SLC1A2: variants seen among roughly 807,000 people sequenced by gnomAD.
SLC1A2 encodes the protein excitatory amino acid transporter 2.
SLC1A2 carries 15 observed loss-of-function variants against 48.8 expected under a neutral mutation model. The observed-to-expected ratio is 0.31, with a 90% confidence interval of 0.21 to 0.47. The LOEUF is 0.47. SLC1A2 is among the 20% of genes least tolerant of loss of function. The pLI is 0.99. For missense variants in SLC1A2, 502 were observed against 730.5 expected, an observed-to-expected ratio of 0.69 and a Z score of 3.61; for synonymous variants, 279 against 272.6, an observed-to-expected ratio of 1.02 and a Z score of -0.23.
intron 1 of SLC1A2, among the ~76,000 whole-genome samples, chr11:35,371,269 A>G (rs981042949): frequency 7.9e-5 from 12 of 152,262 alleles, no homozygotes; most frequent in Non-Finnish European, 1.6e-4. Context: ...ATACAGCACC[A>G]ACTTGGCTCC....
chr11:35,298,353 TATA>T (rs1219793956), intron 6 of SLC1A2: 2 of 152,156 alleles, frequency 1.3e-5, no homozygotes, highest in African/African-American at 4.8e-5. Flanking sequence ...AAAGAATTAT[TATA>T]ATCTTTTCAA....
Position 35,419,297 on chromosome 11 carries a change from C to G in SLC1A2, c.-331G>C, listed in dbSNP as rs945845722. On this transcript the variant is annotated 5_prime_UTR_variant, in exon 1 of 11. Transcript: ENST00000278379. The surrounding 1 kb of genome is among the most constrained non-coding windows in gnomAD (Gnocchi z 5.4). ...CCCAGGGCTGCAGGAGGGCGCACGCCGGCGATGCGCCCCTGCAGCCGCTGC... is the reference window on the plus strand; with the variant it reads ...CCCAGGGCTGCAGGAGGGCGCACGCGGGCGATGCGCCCCTGCAGCCGCTGC... The G allele has an allele frequency of 6.9e-6, 2 of 291,574 alleles. No individual in the cohort carries two copies. The highest frequency in any genetic ancestry group is 1.3e-5 in the Non-Finnish European group (2 of 158,990). The allele number at this position is 291,574 out of a possible 1,614,324, so 18.1% of individuals were successfully genotyped here. A position where few individuals can be genotyped will look rare whatever the true frequency, so the allele number is the denominator to read the frequency against.
chr11:35,413,886 A>C (rs11033115), intron 1 of SLC1A2: 12,890 of 152,228 alleles, frequency 0.085, 1,298 homozygotes, highest in African/African-American at 0.24. Context: ...GTAAGAGAAG[A>C]AAGTACTCTC....
At chr11:35,311,242 C>T (rs1314573714) in intron 4 of SLC1A2, among the ~76,000 whole-genome samples, 2 of 152,168 alleles carry the variant, frequency 1.3e-5, no homozygotes, top group Non-Finnish European at 2.9e-5. Context: ...TCACTGCAAT[C>T]TCTGCCTCCC....
chr11:35,306,177 G>C lies in SLC1A2; in HGVS notation c.627C>G (p.Ser209Arg), dbSNP rs552433198. 6.2e-7 allele frequency: 1 copy of C among 1,613,886 alleles called. No homozygotes were observed. Among genetic ancestry groups the C allele is most frequent in the Admixed American group, 1.7e-5 (1 of 60,000 alleles). Residue 209 changes from serine to arginine, a missense_variant, in exon 5 of 11, where the codon AGC (serine) becomes AGG (arginine). Ser to Arg is a moderately radical substitution (Grantham distance 110, BLOSUM62 -1). Coordinates refer to ENST00000278379, the MANE Select transcript of SLC1A2 (RefSeq NM_004171.4). ...PPPDEEANAT[S>R]AVVSLLNETV... is the part of the protein sequence containing the mutation. ...TCTCGTTCAACAGAGAGACAACAGC[G>C]CTGGTTGCGTTGGCCTCCTCGTCCG...
intron 1 of SLC1A2, among the ~76,000 whole-genome samples, chr11:35,367,400 T>C (rs909842222): frequency 6.6e-6 from 1 of 152,198 alleles, no homozygotes; most frequent in Non-Finnish European, 1.5e-5. Context: ...ATCTGGACCC[T>C]CATGTGTCTA....
chr11:35,401,680 G>A (rs544136400), intron 1 of SLC1A2, among the ~76,000 whole-genome samples: 1 of 152,120 alleles, frequency 6.6e-6, no homozygotes, highest in East Asian at 1.9e-4. Flanking sequence ...TTTCAGAGAT[G>A]AGCATTTTTT....
At chr11:35,269,294 C>G (rs1850204417) in intron 9 of SLC1A2, among the ~76,000 whole-genome samples, 1 of 152,176 alleles carries the variant, frequency 6.6e-6, no homozygotes. Flanking sequence ...TATACGCCAC[C>G]TACCTGGTCT....
intron 1 of SLC1A2, among the ~76,000 whole-genome samples, chr11:35,317,791 T>C (rs554207070): frequency 6.6e-6 from 1 of 152,294 alleles, no homozygotes; most frequent in Admixed American, 6.5e-5. Context: ...AAGGAAGTTA[T>C]CATGTTACAG....
intron 9 of SLC1A2, among the ~76,000 whole-genome samples, chr11:35,273,428 G>A (rs181740735): frequency 9.8e-4 from 149 of 152,262 alleles, no homozygotes; most frequent in African/African-American, 3.2e-3. Context: ...TTTCTCATTC[G>A]TAACATATGG....
chr11:35,374,436 T>C lies in SLC1A2; in HGVS notation c.17+44514A>G, dbSNP rs981021383. ...GGAGCAAAGAAAAGAGACCTACAAT[T>C]TGAAGATAGATGAGACAGTAGCCAA... is the stretch of plus-strand genomic sequence containing the variant. On this transcript the variant is annotated intron_variant, in intron 1 of 10. Transcript: ENST00000278379. The C allele has an allele frequency of 9.6e-6, 4 of 416,820 alleles. No homozygotes were observed. The Admixed American group carries it at 1.2e-4, about 13-fold the overall frequency. 25.8% of individuals were successfully genotyped at this position (416,820 alleles called of 1,614,324 possible).
At position 35,312,237 on chromosome 11, in the gene SLC1A2, A is replaced by G; in HGVS notation, c.522T>C (p.Asn174=). ...CTTGGACAAGGTTTTCAGGGAAGAG[A>G]TTTCGAATAAGGTCCAGGAAGGCAT... ...SLDAFLDLIR[N]LFPENLVQAC... is the part of the protein sequence containing the mutation. The change falls in exon 4 of 11, where the codon AAT becomes AAC. Residue 174 remains asparagine, a synonymous_variant. Coordinates refer to ENST00000278379, the MANE Select transcript of SLC1A2 (RefSeq NM_004171.4). The G allele has an allele frequency of 6.2e-7, 1 of 1,614,124 alleles. No homozygotes were observed. The highest frequency in any genetic ancestry group is 1.1e-5 in the South Asian group (1 of 91,082).
chr11:35,269,737 T>A (rs188496193), intron 9 of SLC1A2, among the ~76,000 whole-genome samples: 1 of 152,242 alleles, frequency 6.6e-6, no homozygotes, highest in Non-Finnish European at 1.5e-5. Flanking sequence ...CCATCAAATC[T>A]CCTTGAATTT....
chr11:35,407,484 A>G (rs540272275), intron 1 of SLC1A2, among the ~76,000 whole-genome samples: 1 of 152,314 alleles, frequency 6.6e-6, no homozygotes, highest in East Asian at 1.9e-4. Context: ...ACAACCCAAC[A>G]TATAATCCTG....
At chr11:35,332,563 C>CA (rs1344087609) in intron 1 of SLC1A2, among the ~76,000 whole-genome samples, 12 of 152,194 alleles carry the variant, frequency 7.9e-5, no homozygotes, top group Admixed American at 5.9e-4. Context: ...ATGTATATGA[C>CA]AAAATTAAGA....
intron 9 of SLC1A2, among the ~76,000 whole-genome samples, chr11:35,266,354 C>A (rs1950484254): frequency 6.6e-6 from 1 of 152,138 alleles, no homozygotes; most frequent in African/African-American, 2.4e-5. Context: ...AGAAATCCAG[C>A]CATAATTTTC....
intron 1 of SLC1A2, among the ~76,000 whole-genome samples, chr11:35,321,058 G>A (rs1852047343): frequency 6.6e-6 from 1 of 152,154 alleles, no homozygotes; most frequent in Admixed American, 6.5e-5. Context: ...AAATCATGGT[G>A]GAAGGGGAAG....
chr11:35,365,752 T>C (rs1853823019), intron 1 of SLC1A2, among the ~76,000 whole-genome samples: 1 of 152,196 alleles, frequency 6.6e-6, no homozygotes, highest in African/African-American at 2.4e-5. Context: ...TCTGTCTGTC[T>C]CTCCCATCAG....
intron 1 of SLC1A2, among the ~76,000 whole-genome samples, chr11:35,398,818 TG>T (rs2135265018): frequency 6.6e-6 from 1 of 152,294 alleles, no homozygotes; most frequent in South Asian, 2.1e-4. Flanking sequence ...AATACATATT[TG>T]GGGTCCACAG....
Sources: allele counts gnomAD v4.1 joint callset (sites outside exome capture counted in the v4.1 genomes callset), GRCh38; gene constraint gnomAD v4.1.1; non-coding constraint Gnocchi (gnomAD v3.1); transcripts MANE v1.5; gene names NCBI Gene and HGNC (gene_info 2026-07-23, HGNC 2026-07-21).